Variants in KAZN observed in about 807,000 individuals in gnomAD.
KAZN encodes kazrin.
In KAZN, 40 loss-of-function variants were observed where a neutral mutation model predicts 87.4. The ratio of observed to expected loss-of-function variants is 0.46; its 90% CI spans 0.36 to 0.60. The LOEUF is 0.60. KAZN is among the 20% of genes least tolerant of loss of function. The pLI, the probability that KAZN is intolerant of heterozygous loss-of-function variation, is 0.00. For synonymous variants in KAZN, 466 were observed against 458.3 expected, an observed-to-expected ratio of 1.02 and a Z score of -0.22; for missense variants, 898 against 1,073.9, an observed-to-expected ratio of 0.84 and a Z score of 2.29.
chr1:14,021,953 C>CTTT (rs141959214), intron 1 of KAZN, among the ~76,000 whole-genome samples: 52,969 of 113,916 alleles, frequency 0.46, 14,719 homozygotes, highest in South Asian at 0.66. Context: ...AATGAACATG[C>CTTT]TTTTTTTTTT....
At chr1:15,104,673 CT>C (rs747643699) in intron 13 of KAZN, among the ~76,000 whole-genome samples, 1 of 152,182 alleles carries the variant, frequency 6.6e-6, no homozygotes, top group African/African-American at 2.4e-5. Flanking sequence ...GTATCCCCAT[CT>C]GAAAAGTGAC....
At chr1:13,983,479 G>A (rs780463003) in intron 1 of KAZN, among the ~76,000 whole-genome samples, 42 of 152,306 alleles carry the variant, frequency 2.8e-4, no homozygotes, top group Non-Finnish European at 4.0e-4. Context: ...CCAAGCCCAC[G>A]ACCACCTGGA....
chr1:14,381,671 TAACAC>T (rs941420050), intron 2 of KAZN, among the ~76,000 whole-genome samples: 4 of 152,056 alleles, frequency 2.6e-5, no homozygotes, highest in African/African-American at 9.7e-5. Context: ...AGAAGGAACA[TAACAC>T]AACATAATAA....
At chr1:14,714,786 C>CTTTTTTTTTTTTT (rs1307881138) in intron 1 of KAZN, among the ~76,000 whole-genome samples, 1 of 131,162 alleles carries the variant, frequency 7.6e-6, no homozygotes, top group Admixed American at 7.6e-5. Context: ...TTTTCTTTTT[C>CTTTTTTTTTTTTT]TTTTTTTTTT....
intron 2 of KAZN, among the ~76,000 whole-genome samples, chr1:15,006,575 A>G (rs1411860276): frequency 6.6e-6 from 1 of 152,270 alleles, no homozygotes; most frequent in Non-Finnish European, 1.5e-5. Context: ...CATGCCGCAC[A>G]TATTTACTGA....
At chr1:14,589,850 C>T (rs4311880) in intron 2 of KAZN, among the ~76,000 whole-genome samples, 9 of 152,104 alleles carry the variant, frequency 5.9e-5, no homozygotes, top group East Asian at 1.9e-4. Context: ...AGGACTTATT[C>T]GGTGAGTAAA....
intron 1 of KAZN, among the ~76,000 whole-genome samples, chr1:14,126,309 C>T (rs780150523): frequency 9.2e-5 from 14 of 152,022 alleles, no homozygotes; most frequent in Non-Finnish European, 1.8e-4. Flanking sequence ...AGGAAAAGGC[C>T]TCGCATCTCT....
At position 14,924,095 on chromosome 1, in the gene KAZN, C is replaced by A. The variant is rs1313901784; in HGVS notation, c.227-36589C>A. 10 of 978,852 alleles carry A rather than the reference C, an allele frequency of 1.0e-5. No homozygotes were observed. In the South Asian group the frequency reaches 4.6e-4, roughly 45 times the overall value. 60.6% of individuals were successfully genotyped at this position (978,852 alleles called of 1,614,324 possible). On this transcript the variant is annotated intron_variant, in intron 1 of 14. Transcript: ENST00000376030. ...GGGGCGAGCCTCGGCAGTCGCCAGC[C>A]CGGAAGGAGCGGGAGGAGGAGCCGC...
At chr1:14,352,209 A>T (rs1049404441) in intron 2 of KAZN, among the ~76,000 whole-genome samples, 10 of 152,136 alleles carry the variant, frequency 6.6e-5, no homozygotes, top group African/African-American at 2.4e-4. Flanking sequence ...ATCTATCTAC[A>T]TACATGGTTA....
At chr1:14,104,264 C>G (rs1644322405) in intron 1 of KAZN, among the ~76,000 whole-genome samples, 1 of 152,204 alleles carries the variant, frequency 6.6e-6, no homozygotes, top group Non-Finnish European at 1.5e-5. Context: ...AGCACCTGGT[C>G]TCCTGGCGCT....
chr1:13,909,289 T>C (rs573752200), intron 1 of KAZN, among the ~76,000 whole-genome samples: 1 of 152,304 alleles, frequency 6.6e-6, no homozygotes, highest in African/African-American at 2.4e-5. Context: ...AATTAGGAGA[T>C]AAGACAGTGT....
intron 1 of KAZN, among the ~76,000 whole-genome samples, chr1:13,977,857 G>A (rs1638441807): frequency 6.6e-6 from 1 of 152,186 alleles, no homozygotes; most frequent in South Asian, 2.1e-4. Context: ...ACTGGGCACG[G>A]TGGCTCACGC....
At chr1:14,113,707 G>T (rs868787133) in intron 1 of KAZN, among the ~76,000 whole-genome samples, 1 of 152,202 alleles carries the variant, frequency 6.6e-6, no homozygotes, top group African/African-American at 2.4e-5. Context: ...CCACGGTGCT[G>T]GGGTGTCTGA....
At chr1:14,022,485 C>CAAAAAAAAAAAAAAAAAAAAAAAAAA (rs58713618) in intron 1 of KAZN, among the ~76,000 whole-genome samples, 1 of 110,480 alleles carries the variant, frequency 9.1e-6, no homozygotes, top group Non-Finnish European at 1.8e-5. Context: ...GTATTTAAAG[C>CAAAAAAAAAAAAAAAAAAAAAAAAAA]AAAAAAAAAA....
chr1:15,064,996 A>G (rs887359875), intron 7 of KAZN, among the ~76,000 whole-genome samples: 6 of 148,618 alleles, frequency 4.0e-5, no homozygotes, highest in Non-Finnish European at 7.4e-5. Flanking sequence ...CCTGTGGCAC[A>G]CCAGACACCG....
chr1:14,624,520 T>G (rs1678965319), intron 1 of KAZN, among the ~76,000 whole-genome samples: 1 of 152,246 alleles, frequency 6.6e-6, no homozygotes, highest in Non-Finnish European at 1.5e-5. Flanking sequence ...TCTCAAGTTC[T>G]GTCATTATGT....
chr1:14,555,532 T>G (rs1181714234), intron 2 of KAZN, among the ~76,000 whole-genome samples: 1 of 152,190 alleles, frequency 6.6e-6, no homozygotes. Flanking sequence ...CATTTCAAGA[T>G]GTTTTAAAAA....
intron 2 of KAZN, among the ~76,000 whole-genome samples, chr1:14,419,808 G>A (rs922462737): frequency 2.0e-5 from 3 of 152,088 alleles, no homozygotes; most frequent in African/African-American, 4.8e-5. Context: ...CCTCCCGGTG[G>A]GTTCGGGGTC....
intron 1 of KAZN, among the ~76,000 whole-genome samples, chr1:14,081,537 A>G (rs1362502202): frequency 6.6e-6 from 1 of 152,178 alleles, no homozygotes; most frequent in Non-Finnish European, 1.5e-5. Context: ...GCAATAGCCA[A>G]AAGAATAATA....
Sources: allele counts gnomAD v4.1 joint callset (sites outside exome capture counted in the v4.1 genomes callset), GRCh38; gene constraint gnomAD v4.1.1; transcripts MANE v1.5; gene names NCBI Gene and HGNC (gene_info 2026-07-23, HGNC 2026-07-21).